POC1A: variants seen among roughly 807,000 people sequenced by gnomAD.
POC1A encodes POC1 centriolar protein A.
In POC1A, 34 loss-of-function variants were observed where a neutral mutation model predicts 47.8. That is an observed-to-expected ratio of 0.71 (90% CI 0.54 to 0.95). The LOEUF is 0.95. Ranked by LOEUF, POC1A falls within the 40% of genes least tolerant of loss-of-function variation. The pLI is 0.00. For missense variants in POC1A, 466 were observed against 528.3 expected (o/e 0.88, Z 1.16); for synonymous variants, 177 against 207.6 (o/e 0.85, Z 1.27).
chr3:52,119,508 C>T (rs1703691596), intron 9 of POC1A, among the ~76,000 whole-genome samples: 1 of 151,916 alleles, frequency 6.6e-6, no homozygotes, highest in African/African-American at 2.4e-5. Flanking sequence ...GATCTTTCCG[C>T]CTCAGCCTCC....
intron 7 of POC1A, among the ~76,000 whole-genome samples, chr3:52,125,429 C>T (rs142806035): frequency 7.0e-4 from 106 of 152,278 alleles, no homozygotes; most frequent in African/African-American, 2.4e-3. Context: ...ATGTGGGTGA[C>T]AGAGATGAGT....
intron 10 of POC1A, among the ~76,000 whole-genome samples, chr3:52,086,551 A>G (rs1208989962): frequency 6.6e-6 from 1 of 152,206 alleles, no homozygotes; most frequent in Non-Finnish European, 1.5e-5. Context: ...CAGCTTTGTC[A>G]CTTGGTGTAA....
In POC1A at chr3:52,084,532, C is replaced by T. The variant is rs544591317; in HGVS notation, c.1126-8547G>A. Reference sequence around the variant, plus strand: ...TGCAGCACCGGTCCTGTCTAGGCTGCGAGGAAAGCTACTCCACCACCACTG... The same window carrying T: ...TGCAGCACCGGTCCTGTCTAGGCTGTGAGGAAAGCTACTCCACCACCACTG... On this transcript the variant is annotated intron_variant, in intron 10 of 10. Transcript: ENST00000296484. This position sits in a 1 kb window ranked among gnomAD's most constrained non-coding sequence, Gnocchi z 4.3. 5.9e-5 allele frequency among the ~76,000 whole-genome samples: 9 copies of T among 152,306 alleles called. No homozygotes were observed. Among genetic ancestry groups the T allele is most frequent in the Admixed American group, 2.6e-4 (4 of 15,310 alleles).
At chr3:52,143,633 G>A (rs961451186) in intron 6 of POC1A, among the ~76,000 whole-genome samples, 1 of 151,984 alleles carries the variant, frequency 6.6e-6, no homozygotes, top group Non-Finnish European at 1.5e-5. Context: ...ACCCCAACAG[G>A]GTCAGCTTCT....
chr3:52,079,301 G>C lies in POC1A; in HGVS notation c.1126-3316C>G, dbSNP rs1702212962. 3.9e-5 allele frequency among the ~76,000 whole-genome samples: 6 copies of C among 152,204 alleles called. No individual in the cohort carries two copies. The highest frequency in any genetic ancestry group is 3.3e-4 in the Admixed American group (5 of 15,290). On this transcript the variant is annotated intron_variant, in intron 10 of 10. Transcript: ENST00000296484. This position sits in a 1 kb window ranked among gnomAD's most constrained non-coding sequence, Gnocchi z 4.6. ...GTGGCCCAACTCCCAGCGGGGCCCA[G>C]CCAAGCAGGCTGCTCTCGTCGCCTC...
In POC1A at chr3:52,098,336, T is replaced by C. The variant is rs188430666; in HGVS notation, c.982-1624A>G. ...GCCAGAGTCTGGTGCTGCTGGCTGC[T>C]TAGGAAGGAGGGAATGGAAAATGTG... On this transcript the variant is annotated intron_variant, in intron 9 of 10. Transcript: ENST00000296484. Among the ~76,000 whole-genome samples the C allele has an allele frequency of 1.9e-3, 294 of 152,226 alleles. 2 individuals carry two copies. The highest frequency in any genetic ancestry group is 0.01 in the Middle Eastern group (3 of 294).
At chr3:52,153,723 G>A (rs1288922876) in intron 1 of POC1A, among the ~76,000 whole-genome samples, 1 of 152,246 alleles carries the variant, frequency 6.6e-6, no homozygotes, top group African/African-American at 2.4e-5. Flanking sequence ...CAGGAAGGGA[G>A]GTAGAGTACC....
intron 10 of POC1A, among the ~76,000 whole-genome samples, chr3:52,082,104 C>T (rs910575264): frequency 6.6e-6 from 1 of 151,894 alleles, no homozygotes; most frequent in African/African-American, 2.4e-5. Context: ...CCTGAGCCAG[C>T]AGCAGAGTTG....
intron 7 of POC1A, among the ~76,000 whole-genome samples, chr3:52,136,520 G>T (rs1284453095): frequency 6.6e-6 from 1 of 152,214 alleles, no homozygotes. Context: ...GAGAGCCGAT[G>T]ATGAATGAAC....
At chr3:52,132,674 G>A (rs1704264272) in intron 7 of POC1A, among the ~76,000 whole-genome samples, 1 of 152,062 alleles carries the variant, frequency 6.6e-6, no homozygotes, top group African/African-American at 2.4e-5. Flanking sequence ...AATTCTTCAG[G>A]GCCACAATAA....
chr3:52,147,184 G>T, intron 4 of POC1A, 89 bp from the exon 5 acceptor site: 1 of 1,043,138 alleles, frequency 9.6e-7, no homozygotes, highest in Non-Finnish European at 1.5e-6. Flanking sequence ...TTCCCCGAGT[G>T]CCTACTATCT....
chr3:52,078,560 A>G (rs1008243638), intron 10 of POC1A, among the ~76,000 whole-genome samples: 33 of 140,322 alleles, frequency 2.4e-4, no homozygotes, highest in Non-Finnish European at 4.8e-4. Context: ...GACCCGGCTG[A>G]AGTGCAGTGG....
rs573963833 is a variant in POC1A, at chr3:52,138,945, T to C, written c.680-643A>G. The stretch of plus-strand genomic sequence containing the variant: ...GTCTCCTGGGTTCAAGAGATTCTCC[T>C]GCCTCAGCCTCCTGAGTAGCTGAGA... On this transcript the variant is annotated intron_variant, in intron 6 of 10. Transcript: ENST00000296484. Among the ~76,000 whole-genome samples the C allele has an allele frequency of 6.6e-5, 10 of 152,328 alleles. No individual in the cohort carries two copies. The South Asian group carries it at 1.2e-3, about 19-fold the overall frequency.
chr3:52,109,452 A>C lies in POC1A; in HGVS notation c.982-12740T>G, dbSNP rs554082203. 1.2e-4 allele frequency among the ~76,000 whole-genome samples: 19 copies of C among 152,190 alleles called. No homozygotes were observed. In the South Asian group the frequency reaches 3.9e-3, roughly 32 times the overall value. ...GCTAGCTTGAAATTTCCACAATACA[A>C]AGGTTTTTGTTTTGTTTTGTTTTGT... On this transcript the variant is annotated intron_variant, in intron 9 of 10. Coordinates refer to ENST00000296484, the MANE Select transcript of POC1A (RefSeq NM_015426.5).
At chr3:52,083,530 C>G (rs1108932) in intron 10 of POC1A, among the ~76,000 whole-genome samples, 2,158 of 152,278 alleles carry the variant, frequency 0.014, 66 homozygotes, top group African/African-American at 0.05. Context: ...TCTTTCAGCC[C>G]CAGCCTCTTT....
chr3:52,133,054 A>AAAAG (rs1198143735), intron 7 of POC1A, among the ~76,000 whole-genome samples: 1 of 152,094 alleles, frequency 6.6e-6, no homozygotes, highest in African/African-American at 2.4e-5. Flanking sequence ...TCAAAAAAAA[A>AAAAG]AAAGAAAGAA....
chr3:52,106,056 G>A (rs919417752), intron 9 of POC1A, among the ~76,000 whole-genome samples: 2 of 151,940 alleles, frequency 1.3e-5, no homozygotes, highest in Non-Finnish European at 2.9e-5. Context: ...TTAGCTGGGC[G>A]AGGTGGCGGG....
chr3:52,147,142 T>A (rs781262784), intron 4 of POC1A, 47 bp from the exon 5 acceptor site: 1 of 1,412,798 alleles, frequency 7.1e-7, no homozygotes, highest in Non-Finnish European at 1.0e-6. Flanking sequence ...ACAGACGACA[T>A]GGGCACCACA....
At position 52,145,906 on chromosome 3, in the gene POC1A, T is replaced by C. The variant is rs749016718; in HGVS notation, c.619A>G (p.Met207Val). 15 of 1,613,916 alleles carry C rather than the reference T, an allele frequency of 9.3e-6. No individual in the cohort carries two copies. Among genetic ancestry groups the C allele is most frequent in the Admixed American group, 3.3e-5 (2 of 60,012 alleles). ...PSGTCIAAAG[M>V]DNTVKVWDVR... ...TCCCACACCTTCACTGTGTTGTCCA[T>C]GCCGGCAGCGGCAATGCACGTCCCA... Residue 207 changes from methionine to valine, a missense_variant, in exon 6 of 11, where the codon ATG becomes GTG. Coordinates refer to ENST00000296484, the MANE Select transcript of POC1A (RefSeq NM_015426.5).
Sources: allele counts gnomAD v4.1 joint callset (sites outside exome capture counted in the v4.1 genomes callset), GRCh38; gene constraint gnomAD v4.1.1; non-coding constraint Gnocchi (gnomAD v3.1); transcripts MANE v1.5; gene names NCBI Gene and HGNC (gene_info 2026-07-23, HGNC 2026-07-21).